The following CTNNA2 variants were observed in gnomAD, a reference collection of about 807,000 sequenced individuals.
CTNNA2 encodes the protein catenin alpha 2.
In CTNNA2, 42 loss-of-function variants were observed where a neutral mutation model predicts 101.0. That is an observed-to-expected ratio of 0.42 (90% CI 0.32 to 0.54). The LOEUF (loss-of-function observed/expected upper bound fraction) is 0.54. Ranked by LOEUF, CTNNA2 falls within the 20% of genes least tolerant of loss-of-function variation. CTNNA2 has a pLI of 0.14. For synonymous variants in CTNNA2, 450 were observed against 456.4 expected, an observed-to-expected ratio of 0.99 and a Z score of 0.18; for missense variants, 871 against 1,223.1, an observed-to-expected ratio of 0.71 and a Z score of 4.29.
At chr2:79,943,884 A>C (rs1348139228) in intron 7 of CTNNA2, among the ~76,000 whole-genome samples, 1 of 152,204 alleles carries the variant, frequency 6.6e-6, no homozygotes, top group African/African-American at 2.4e-5. Context: ...AATATGCTTA[A>C]AGATATGCAA....
intron 9 of CTNNA2, among the ~76,000 whole-genome samples, chr2:80,435,624 T>C (rs1280609108): frequency 6.6e-6 from 1 of 152,196 alleles, no homozygotes; most frequent in Non-Finnish European, 1.5e-5. Flanking sequence ...GTAGAGAATA[T>C]GCTGGAGAAG....
chr2:79,504,021 A>T (rs1465197552), intron 4 of CTNNA2, among the ~76,000 whole-genome samples: 1 of 152,194 alleles, frequency 6.6e-6, no homozygotes, highest in Non-Finnish European at 1.5e-5. Context: ...TTAGAAGCTT[A>T]GACAACCCAA....
chr2:79,190,778 C>G (rs377264986), intron 1 of CTNNA2, among the ~76,000 whole-genome samples: 1 of 151,958 alleles, frequency 6.6e-6, no homozygotes, highest in East Asian at 1.9e-4. Context: ...TGTTATGTAC[C>G]CGAGTTGTGT....
intron 3 of CTNNA2, among the ~76,000 whole-genome samples, chr2:79,784,777 T>A (rs1049244112): frequency 5.5e-5 from 8 of 145,174 alleles, no homozygotes; most frequent in Non-Finnish European, 1.2e-4. Context: ...TATATATATA[T>A]AAAAACATGG....
chr2:80,328,312 A>G (rs1007217380), intron 7 of CTNNA2: 12 of 471,062 alleles, frequency 2.5e-5, no homozygotes, highest in African/African-American at 2.0e-4. Flanking sequence ...AGGAAGCTGC[A>G]TTGGAACCTT....
chr2:80,330,132 T>A (rs1257699142), intron 7 of CTNNA2, among the ~76,000 whole-genome samples: 3 of 152,258 alleles, frequency 2.0e-5, no homozygotes, highest in African/African-American at 7.2e-5. Flanking sequence ...CTTCTGGCCT[T>A]TCCACCAGTG....
chr2:80,049,763 T>C (rs979057971), intron 7 of CTNNA2, among the ~76,000 whole-genome samples: 4 of 152,232 alleles, frequency 2.6e-5, no homozygotes, highest in African/African-American at 9.6e-5. Flanking sequence ...GCTGTACTAT[T>C]GTCTTTGCTA....
At chr2:80,595,258 G>T (rs533322502) in intron 15 of CTNNA2, among the ~76,000 whole-genome samples, 1 of 150,924 alleles carries the variant, frequency 6.6e-6, no homozygotes, top group East Asian at 1.9e-4. Flanking sequence ...GTTCTAAATG[G>T]AGTTATTTTC....
chr2:80,237,531 G>A (rs950134034), intron 7 of CTNNA2, among the ~76,000 whole-genome samples: 1 of 152,134 alleles, frequency 6.6e-6, no homozygotes. Flanking sequence ...AATAGTAGTA[G>A]GAGAGGTACT....
intron 2 of CTNNA2, among the ~76,000 whole-genome samples, chr2:79,198,673 T>C (rs571331852): frequency 1.3e-5 from 2 of 148,530 alleles, no homozygotes; most frequent in Admixed American, 1.4e-4. Flanking sequence ...GGTTAACTGA[T>C]GCTACTCATT....
intron 7 of CTNNA2, among the ~76,000 whole-genome samples, chr2:80,391,001 A>T (rs1353831864): frequency 2.6e-5 from 4 of 151,918 alleles, no homozygotes; most frequent in African/African-American, 9.7e-5. Flanking sequence ...ACATGGTGGC[A>T]CATGTCTGTA....
rs1460142414 is a variant in CTNNA2, at chr2:80,585,441, T to G, written c.2007+3622T>G. 2.0e-5 allele frequency among the ~76,000 whole-genome samples: 3 copies of G among 152,226 alleles called. No homozygotes were observed. The South Asian group carries it at 6.2e-4, about 32-fold the overall frequency. ...ACCCCACATCAGGCAGATCAACAAT[T>G]TGGAGAGCTGTGCTTTGCTACTGTG... On this transcript the variant is annotated intron_variant, in intron 14 of 18. Transcript: ENST00000402739.
intron 7 of CTNNA2, among the ~76,000 whole-genome samples, chr2:80,268,948 C>T (rs536760764): frequency 6.6e-6 from 1 of 152,156 alleles, no homozygotes; most frequent in Non-Finnish European, 1.5e-5. Context: ...TTTCAAAAAC[C>T]TCTTAAAAGT....
rs142787943 is a variant in CTNNA2, at chr2:79,336,424, C to T, written c.-318+23628C>T. On this transcript the variant is annotated intron_variant, in intron 3 of 21. Transcript: ENST00000466387. ...AAGACAATGTTACTCCTTATGATAG[C>T]CTTGCCATATGTCCATCTCCTATTA... is the stretch of plus-strand genomic sequence containing the variant. Among the ~76,000 whole-genome samples, 3 of 152,242 alleles carry T rather than the reference C, an allele frequency of 2.0e-5. No individual in the cohort carries two copies. In the South Asian group the frequency reaches 6.2e-4, roughly 32 times the overall value.
intron 7 of CTNNA2, among the ~76,000 whole-genome samples, chr2:80,023,391 G>A (rs1694708345): frequency 6.6e-6 from 1 of 152,044 alleles, no homozygotes; most frequent in Non-Finnish European, 1.5e-5. Context: ...TATTATTTCT[G>A]CAATTAGTTC....
intron 1 of CTNNA2, among the ~76,000 whole-genome samples, chr2:79,632,610 T>C (rs1478503679): frequency 1.3e-5 from 2 of 152,338 alleles, no homozygotes; most frequent in Admixed American, 6.5e-5. Context: ...GGTTATTATA[T>C]TGATGGTGAG....
chr2:80,357,440 G>C (rs1360685725), intron 7 of CTNNA2, among the ~76,000 whole-genome samples: 3 of 151,914 alleles, frequency 2.0e-5, no homozygotes, highest in Non-Finnish European at 4.4e-5. Context: ...ATCTCCAGAG[G>C]CCAGGAAGTC....
chr2:79,304,467 C>T (rs1269093827), intron 2 of CTNNA2, among the ~76,000 whole-genome samples: 3 of 151,284 alleles, frequency 2.0e-5, no homozygotes, highest in Admixed American at 6.6e-5. Context: ...ATTGAATTTC[C>T]AAGGCTCACC....
intron 2 of CTNNA2, among the ~76,000 whole-genome samples, chr2:79,707,867 A>G (rs1207867650): frequency 2.0e-5 from 3 of 152,134 alleles, no homozygotes; most frequent in Non-Finnish European, 4.4e-5. Flanking sequence ...ATAGCTCCTT[A>G]CATTGTTTCA....
Sources: allele counts gnomAD v4.1 joint callset (sites outside exome capture counted in the v4.1 genomes callset), GRCh38; gene constraint gnomAD v4.1.1; transcripts MANE v1.5; gene names NCBI Gene and HGNC (gene_info 2026-07-23, HGNC 2026-07-21).